The following ABCB1 variants were observed in gnomAD, a reference collection of about 807,000 sequenced individuals.
ABCB1 encodes the protein ATP-dependent translocase ABCB1.
ABCB1 carries 69 observed loss-of-function variants against 142.0 expected under a neutral mutation model. The observed-to-expected ratio is 0.49, with a 90% confidence interval of 0.40 to 0.59. The LOEUF is 0.59. Ranked by LOEUF, ABCB1 falls within the 20% of genes least tolerant of loss-of-function variation. The probability of loss-of-function intolerance (pLI) is 0.00; values close to 1 mark genes in which losing one functional copy is unlikely to be tolerated. For missense variants in ABCB1, 1,326 were observed against 1,554.7 expected (o/e 0.85, Z 2.47); for synonymous variants, 532 against 539.2 (o/e 0.99, Z 0.18).
At chr7:87,534,205 A>C (rs1190208128) in intron 20 of ABCB1, among the ~76,000 whole-genome samples, 1 of 152,204 alleles carries the variant, frequency 6.6e-6, no homozygotes, top group Non-Finnish European at 1.5e-5. Context: ...GTTCTGCTGC[A>C]AAAGACTGAG....
chr7:87,690,984 C>T lies in ABCB1; in HGVS notation c.-331+22177G>A, dbSNP rs150854909. 2.5e-3 allele frequency among the ~76,000 whole-genome samples: 374 copies of T among 152,032 alleles called. 5 individuals are homozygous for T. Among genetic ancestry groups the T allele is most frequent in the Middle Eastern group, 0.017 (5 of 294 alleles). ...AAATATAGCAAAAGCTAAAGGTTTACTTTTTGCATAAGTGTTAAAATTCAT... is the reference window on the plus strand; with the variant it reads ...AAATATAGCAAAAGCTAAAGGTTTATTTTTTGCATAAGTGTTAAAATTCAT... On this transcript the variant is annotated intron_variant, in intron 1 of 28. Coordinates refer to the ABCB1 transcript ENST00000265724.
intron 21 of ABCB1, chr7:87,522,349 A>G (rs2117103369): frequency 4.1e-6 from 3 of 731,974 alleles, no homozygotes; most frequent in South Asian, 1.3e-5. Context: ...TTGCCAAACC[A>G]TGAAACCAAG....
intron 4 of ABCB1, among the ~76,000 whole-genome samples, chr7:87,577,765 A>G (rs897536921): frequency 2.1e-4 from 32 of 152,252 alleles, no homozygotes; most frequent in Middle Eastern, 3.4e-3. Context: ...CCATTTGTTA[A>G]TTGGAGATTT....
intron 5 of ABCB1, among the ~76,000 whole-genome samples, chr7:87,569,512 T>A (rs751732550): frequency 6.6e-6 from 1 of 152,122 alleles, no homozygotes; most frequent in Non-Finnish European, 1.5e-5. Context: ...CCAGTGTGAG[T>A]TAAGAATAGA....
chr7:87,530,849 G>GAAAGA (rs1816016338), intron 21 of ABCB1, among the ~76,000 whole-genome samples: 4 of 99,460 alleles, frequency 4.0e-5, no homozygotes, highest in Non-Finnish European at 8.5e-5. Context: ...AAGAAAGAAA[G>GAAAGA]AAAGAAAGAA....
At chr7:87,637,839 C>A (rs1173257198) in intron 1 of ABCB1, among the ~76,000 whole-genome samples, 1 of 151,828 alleles carries the variant, frequency 6.6e-6, no homozygotes, top group Non-Finnish European at 1.5e-5. Flanking sequence ...TCTGAGTGCA[C>A]AGTCATGTCA....
chr7:87,564,455 G>T (rs1817704828), intron 7 of ABCB1, among the ~76,000 whole-genome samples: 1 of 152,102 alleles, frequency 6.6e-6, no homozygotes, highest in African/African-American at 2.4e-5. Flanking sequence ...GCCCTCTAGT[G>T]GCCCAGTGTC....
intron 4 of ABCB1, among the ~76,000 whole-genome samples, chr7:87,575,097 G>T (rs569084781): frequency 2.6e-5 from 4 of 152,154 alleles, no homozygotes; most frequent in African/African-American, 9.6e-5. Flanking sequence ...TTTCTACCTG[G>T]CAAGAAAAGC....
chr7:87,592,473 G>T (rs967944357), intron 3 of ABCB1, among the ~76,000 whole-genome samples: 4 of 152,170 alleles, frequency 2.6e-5, no homozygotes, highest in African/African-American at 9.7e-5. Flanking sequence ...GGAAAGGGAG[G>T]ATACTGAGCC....
At chr7:87,629,882 C>T (rs745461506) in intron 1 of ABCB1, among the ~76,000 whole-genome samples, 1 of 149,008 alleles carries the variant, frequency 6.7e-6, no homozygotes, top group Non-Finnish European at 1.5e-5. Context: ...GAGATAACGT[C>T]ATTGCACTCC....
chr7:87,624,054 CTT>C (rs1185898349), intron 1 of ABCB1, among the ~76,000 whole-genome samples: 1 of 152,246 alleles, frequency 6.6e-6, no homozygotes, highest in Non-Finnish European at 1.5e-5. Context: ...GAAATTAGCT[CTT>C]TGTCTATGAT....
chr7:87,625,886 T>C (rs1383537587), intron 1 of ABCB1, among the ~76,000 whole-genome samples: 1 of 151,738 alleles, frequency 6.6e-6, no homozygotes, highest in Non-Finnish European at 1.5e-5. Flanking sequence ...TAAATTGTTT[T>C]CTTAAAATTT....
intron 1 of ABCB1, among the ~76,000 whole-genome samples, chr7:87,614,627 C>G (rs924348483): frequency 1.3e-5 from 2 of 152,028 alleles, no homozygotes; most frequent in Admixed American, 6.6e-5. Context: ...AAGAGTGTTG[C>G]GATCTAAAAT....
At chr7:87,605,029 A>G (rs1454146625), upstream of ABCB1, among the ~76,000 whole-genome samples, 1 of 152,220 alleles carries the variant, frequency 6.6e-6, no homozygotes, top group Admixed American at 6.5e-5. Flanking sequence ...AGGTGCTGAG[A>G]GTATGACATC....
intron 14 of ABCB1, among the ~76,000 whole-genome samples, chr7:87,546,555 CAA>C (rs796575409): frequency 1.4e-4 from 19 of 133,762 alleles, no homozygotes; most frequent in African/African-American, 3.9e-4. Context: ...GACTCCATCT[CAA>C]AAAAAAAAAA....
rs781599319 is a variant in ABCB1, at chr7:87,600,140, GTTC to G, written c.42_44del (p.Lys14del). ...ACCTTTTATTGTTCAGTTTAAAAAA[GTTC>G]TTCTTCTTTGCTCCTCCATTGCGGT... On this transcript the variant is annotated inframe_deletion, in exon 2 of 28. Transcript: ENST00000622132. 224 of 1,613,878 alleles carry G rather than the reference GTTC, an allele frequency of 1.4e-4. 1 individual carries two copies. Among genetic ancestry groups the G allele is most frequent in the South Asian group, 1.1e-3 (103 of 91,058 alleles).
chr7:87,553,958 C>T (rs750292390), intron 8 of ABCB1, 26 bp from the exon 9 acceptor site: 1 of 1,585,988 alleles, frequency 6.3e-7, no homozygotes, highest in African/African-American at 1.3e-5. Flanking sequence ...AAAATGATCA[C>T]ATATACATTT....
intron 1 of ABCB1, among the ~76,000 whole-genome samples, chr7:87,678,353 T>C (rs1397744703): frequency 6.6e-6 from 1 of 152,036 alleles, no homozygotes; most frequent in Non-Finnish European, 1.5e-5. Flanking sequence ...GGCTACAGAG[T>C]AAAGGGAACT....
At position 87,506,028 on chromosome 7, in the gene ABCB1, C is replaced by T. The variant is rs780152885; in HGVS notation, c.3505G>A (p.Val1169Ile). The change falls in exon 27 of 28, where the codon GTA becomes ATA. Residue 1169 changes from valine to isoleucine, a missense_variant. Physicochemically the swap from Val to Ile is conservative, Grantham distance 29. Transcript: ENST00000622132. ...GAGAGCTGAGTTCCTTTGTCTCCTA[C>T]TTTAGTGCTATATTTCTGTAAATAA... The part of the protein sequence containing the change: ...ESLPNKYSTK[V>I]GDKGTQLSGG... 1 of 1,613,998 alleles carries T rather than the reference C, an allele frequency of 6.2e-7. No individual in the cohort carries two copies.
Sources: gnomAD v4.1 joint callset for allele counts (sites outside exome capture counted in the v4.1 genomes callset) on GRCh38, gnomAD v4.1.1 for gene constraint, MANE v1.5 for transcripts, NCBI Gene and HGNC (gene_info 2026-07-23, HGNC 2026-07-21) for gene names.